The following NEGR1 variants were observed in gnomAD, a reference collection of about 807,000 sequenced individuals.
NEGR1 encodes neuronal growth regulator 1, also known as IgLON family member 4.
In NEGR1, 10 loss-of-function variants were observed where a neutral mutation model predicts 40.9. That is an observed-to-expected ratio of 0.24 (90% confidence interval 0.15 to 0.42). The LOEUF (loss-of-function observed/expected upper bound fraction) is 0.42, where lower values mean the gene tolerates loss of function less well. Ranked by LOEUF, NEGR1 falls within the 10% of genes least tolerant of loss-of-function variation. The pLI, the probability that NEGR1 is intolerant of heterozygous loss-of-function variation, is 1.00. For missense variants in NEGR1, 352 were observed against 438.9 expected (o/e 0.80, Z 1.77); for synonymous variants, 185 against 166.8 (o/e 1.11, Z -0.84).
chr1:71,915,429 A>T (rs1169621454), intron 2 of NEGR1, among the ~76,000 whole-genome samples: 1 of 152,176 alleles, frequency 6.6e-6, no homozygotes, highest in Admixed American at 6.5e-5. Context: ...GAGCAAAAAC[A>T]AATAACTGAC....
At chr1:72,096,180 A>G (rs1648689450) in intron 1 of NEGR1, among the ~76,000 whole-genome samples, 1 of 152,166 alleles carries the variant, frequency 6.6e-6, no homozygotes, top group African/African-American at 2.4e-5. Flanking sequence ...GTGGTGTTTG[A>G]TGTTTCAAGG....
At chr1:71,906,536 C>T (rs116342476) in intron 2 of NEGR1, among the ~76,000 whole-genome samples, 2,352 of 148,000 alleles carry the variant, frequency 0.016, 47 homozygotes, top group South Asian at 0.1. Flanking sequence ...TTAATTTTCT[C>T]ATTAACTCTT....
chr1:72,105,384 T>C (rs1000328973), intron 1 of NEGR1, among the ~76,000 whole-genome samples: 1 of 151,956 alleles, frequency 6.6e-6, no homozygotes. Context: ...TCAAAATGCA[T>C]AGATTATTTA....
chr1:71,429,533 A>G (rs1007328110), intron 6 of NEGR1, among the ~76,000 whole-genome samples: 1 of 152,160 alleles, frequency 6.6e-6, no homozygotes, highest in Non-Finnish European at 1.5e-5. Flanking sequence ...GTCATCCATC[A>G]GAGGCTTTCT....
At chr1:71,580,323 G>A (rs1414224405) in intron 6 of NEGR1, among the ~76,000 whole-genome samples, 1 of 148,298 alleles carries the variant, frequency 6.7e-6, no homozygotes, top group Non-Finnish European at 1.5e-5. Flanking sequence ...ATGGGGAGGG[G>A]GGAGGGATAG....
chr1:71,485,299 TA>T (rs1181562514), intron 6 of NEGR1, among the ~76,000 whole-genome samples: 1 of 151,594 alleles, frequency 6.6e-6, no homozygotes, highest in Non-Finnish European at 1.5e-5. Context: ...AGAAAAGCTT[TA>T]GATTTGCAAC....
At chr1:71,476,734 T>G (rs1212838640) in intron 6 of NEGR1, 2 of 152,074 alleles carry the variant, frequency 1.3e-5, no homozygotes, top group Non-Finnish European at 2.9e-5. Flanking sequence ...TTGTTACATA[T>G]TAATACTGGG....
At chr1:71,550,373 G>T (rs1648036153) in intron 6 of NEGR1, among the ~76,000 whole-genome samples, 2 of 151,582 alleles carry the variant, frequency 1.3e-5, no homozygotes, top group African/African-American at 4.8e-5. Context: ...TCCCAGTGCT[G>T]CCATTTCCTG....
At chr1:71,635,944 A>T (rs1651134461) in intron 4 of NEGR1, among the ~76,000 whole-genome samples, 1 of 152,080 alleles carries the variant, frequency 6.6e-6, no homozygotes, top group Admixed American at 6.6e-5. Context: ...CATTTTATAA[A>T]ATGATGTTTA....
chr1:72,176,813 T>A (rs1380878609), intron 1 of NEGR1, among the ~76,000 whole-genome samples: 1 of 151,886 alleles, frequency 6.6e-6, no homozygotes, highest in Non-Finnish European at 1.5e-5. Flanking sequence ...CCAGGGGAGA[T>A]CAATGCCCGG....
At chr1:72,084,194 C>T (rs1017312816) in intron 1 of NEGR1, among the ~76,000 whole-genome samples, 5 of 152,158 alleles carry the variant, frequency 3.3e-5, no homozygotes, top group Admixed American at 6.5e-5. Context: ...AAGGTCTACC[C>T]ATCCCCATTT....
In NEGR1 at chr1:71,443,718, C is replaced by T. The variant is rs561266448; in HGVS notation, c.941-36148G>A. Among the ~76,000 whole-genome samples, 20 of 152,286 alleles carry T rather than the reference C, an allele frequency of 1.3e-4. No individual in the cohort carries two copies. The South Asian group carries it at 3.5e-3, about 27-fold the overall frequency. On this transcript the variant is annotated intron_variant, in intron 6 of 6. Transcript: ENST00000357731. ...CTTGTATTTTAATCAGTTGAATATG[C>T]TTTGCCTAATGTTAACAGCTTTTTT... is the stretch of plus-strand genomic sequence containing the variant.
At chr1:71,801,962 G>A (rs1482098166) in intron 2 of NEGR1, among the ~76,000 whole-genome samples, 3 of 152,146 alleles carry the variant, frequency 2.0e-5, no homozygotes, top group Non-Finnish European at 4.4e-5. Flanking sequence ...AAGGTGCTCT[G>A]GTAGGGTCTC....
Position 72,073,633 on chromosome 1 carries a change from C to T in NEGR1, c.177-138322G>A, listed in dbSNP as rs1647574051. On this transcript the variant is annotated intron_variant, in intron 1 of 6. Coordinates refer to ENST00000357731, the MANE Select transcript of NEGR1 (RefSeq NM_173808.3). ...TTTCATGTTCAATGCTACATATATA[C>T]TTTCTTAAACTATGTCAATAATAAT... Among the ~76,000 whole-genome samples, 4 of 152,014 alleles carry T rather than the reference C, an allele frequency of 2.6e-5. No homozygotes were observed. In the South Asian group the frequency reaches 6.2e-4, roughly 24 times the overall value.
In NEGR1 at chr1:71,400,247, A is replaced by T. The variant is rs1365853883; in HGVS notation, c.*7199T>A. Reference sequence around the variant, plus strand: ...CTCCTGTAGTTTCTACCAAACCAAGATGTGTGCTAGGACTGGGCTCATTAG... The same window carrying T: ...CTCCTGTAGTTTCTACCAAACCAAGTTGTGTGCTAGGACTGGGCTCATTAG... On this transcript the variant is annotated 3_prime_UTR_variant, in exon 7 of 7. Transcript: ENST00000357731. The T allele has an allele frequency of 1.3e-5, 2 of 152,150 alleles. No individual in the cohort carries two copies. The highest frequency in any genetic ancestry group is 2.4e-5 in the African/African-American group (1 of 41,432). The allele number at this position is 152,150 out of a possible 1,614,324, so 9.4% of individuals were successfully genotyped here. A position where few individuals can be genotyped will look rare whatever the true frequency, so the allele number is the denominator to read the frequency against.
chr1:71,959,021 T>A (rs561187279), intron 1 of NEGR1, among the ~76,000 whole-genome samples: 185 of 152,010 alleles, frequency 1.2e-3, no homozygotes, highest in African/African-American at 4.2e-3. Context: ...TCTTCCATAA[T>A]CTCTCCCAAA....
At chr1:71,414,348 AGGAGATATCC>A (rs1569844209) in intron 6 of NEGR1, among the ~76,000 whole-genome samples, 1 of 152,194 alleles carries the variant, frequency 6.6e-6, no homozygotes, top group East Asian at 1.9e-4. Flanking sequence ...GAGCAGCTGC[AGGAGATATCC>A]GGAGGCTCAG....
intron 3 of NEGR1, among the ~76,000 whole-genome samples, chr1:71,732,685 A>G (rs1404763150): frequency 6.6e-6 from 1 of 152,144 alleles, no homozygotes; most frequent in Non-Finnish European, 1.5e-5. Context: ...TGTCCATTTT[A>G]TATTACTAAA....
Position 71,818,224 on chromosome 1 carries a change from C to T in NEGR1, c.410-41927G>A, listed in dbSNP as rs537500728. On this transcript the variant is annotated intron_variant, in intron 2 of 6. Coordinates refer to ENST00000357731, the MANE Select transcript of NEGR1 (RefSeq NM_173808.3). ...AATATAAATCATTCTACCATAAAGA[C>T]GTATACATGAGTATGTTCACCACAG... 5.1e-4 allele frequency among the ~76,000 whole-genome samples: 78 copies of T among 151,982 alleles called. 1 individual carries two copies. The highest frequency in any genetic ancestry group is 1.8e-3 in the African/African-American group (73 of 41,484).
Sources: allele counts gnomAD v4.1 joint callset (sites outside exome capture counted in the v4.1 genomes callset), GRCh38; gene constraint gnomAD v4.1.1; transcripts MANE v1.5; gene names NCBI Gene and HGNC (gene_info 2026-07-23, HGNC 2026-07-21).